The following CDK14 variants were observed in gnomAD, a reference collection of about 807,000 sequenced individuals.
CDK14 encodes the protein cyclin dependent kinase 14.
CDK14 carries 34 observed loss-of-function variants against 60.7 expected under a neutral mutation model. The observed-to-expected ratio is 0.56, with a 90% CI of 0.43 to 0.75. CDK14 has a LOEUF of 0.75. CDK14 is among the 30% of genes least tolerant of loss of function. The pLI, the probability that CDK14 is intolerant of heterozygous loss-of-function variation, is 0.00. For synonymous variants in CDK14, 197 were observed against 203.7 expected, an observed-to-expected ratio of 0.97 and a Z score of 0.28; for missense variants, 482 against 564.1, an observed-to-expected ratio of 0.85 and a Z score of 1.47.
At chr7:91,074,546 TAGAA>T (rs1316964264) in intron 11 of CDK14, among the ~76,000 whole-genome samples, 6 of 152,106 alleles carry the variant, frequency 3.9e-5, no homozygotes, top group Middle Eastern at 3.4e-3. Context: ...ATCAGAAAGT[TAGAA>T]AGAGCTCAAA....
At chr7:91,012,386 A>C (rs371155564) in intron 10 of CDK14, among the ~76,000 whole-genome samples, 15 of 152,294 alleles carry the variant, frequency 9.8e-5, no homozygotes, top group African/African-American at 3.6e-4. Flanking sequence ...TGAATCATCA[A>C]GGGGACTTTC....
intron 2 of CDK14, among the ~76,000 whole-genome samples, chr7:90,647,225 A>C (rs1274135410): frequency 6.6e-6 from 1 of 152,174 alleles, no homozygotes; most frequent in Non-Finnish European, 1.5e-5. Flanking sequence ...AGACTTGTAG[A>C]ACCGTCTTAG....
At chr7:91,041,191 T>A (rs77121877) in intron 10 of CDK14, among the ~76,000 whole-genome samples, 10 of 150,648 alleles carry the variant, frequency 6.6e-5, no homozygotes, top group African/African-American at 2.4e-4. Flanking sequence ...TTTTTTTTTT[T>A]AACAGATGTT....
chr7:90,596,822 T>A, intron 1 of CDK14, 104 bp downstream of exon 1: 1 of 944,902 alleles, frequency 1.1e-6, no homozygotes, highest in East Asian at 2.6e-5. Flanking sequence ...GGGGCTGGCG[T>A]GGGGTGCGTT....
At chr7:91,193,119 C>T (rs1221059277) in intron 14 of CDK14, among the ~76,000 whole-genome samples, 1 of 152,182 alleles carries the variant, frequency 6.6e-6, no homozygotes, top group African/African-American at 2.4e-5. Flanking sequence ...TTCCTTCAAG[C>T]ATTTAACTTT....
At position 90,694,582 on chromosome 7, in the gene CDK14, C is replaced by T. The variant is rs557216424; in HGVS notation, c.124-31985C>T. On this transcript the variant is annotated intron_variant, in intron 2 of 14. Transcript: ENST00000380050. Reference sequence around the variant, plus strand: ...TTTTGGTATCTTAATAATCAGATACCAGATTTTTACTAATTAAAATAACTA... The same window carrying T: ...TTTTGGTATCTTAATAATCAGATACTAGATTTTTACTAATTAAAATAACTA... Among the ~76,000 whole-genome samples the T allele has an allele frequency of 2.9e-4, 44 of 151,920 alleles. No homozygotes were observed. The South Asian group carries it at 4.8e-3, about 17-fold the overall frequency.
intron 14 of CDK14, among the ~76,000 whole-genome samples, chr7:91,147,920 A>G (rs1034936435): frequency 6.6e-6 from 1 of 152,236 alleles, no homozygotes. Flanking sequence ...GAATCAGTCA[A>G]GTAGTAAAAA....
At chr7:91,033,662 T>C (rs1325695280) in intron 10 of CDK14, among the ~76,000 whole-genome samples, 1 of 152,172 alleles carries the variant, frequency 6.6e-6, no homozygotes, top group Non-Finnish European at 1.5e-5. Flanking sequence ...TCCCTGTTTT[T>C]CCCTATTTTG....
At chr7:90,886,718 C>G (rs12537076) in intron 6 of CDK14, among the ~76,000 whole-genome samples, 14,337 of 152,104 alleles carry the variant, frequency 0.094, 810 homozygotes, top group East Asian at 0.18. Context: ...CTTGAAGTTT[C>G]AGGATTTTTA....
At chr7:90,601,018 T>G (rs1321363281) in intron 1 of CDK14, among the ~76,000 whole-genome samples, 1 of 152,204 alleles carries the variant, frequency 6.6e-6, no homozygotes, top group Admixed American at 6.5e-5. Context: ...AGTGACAGAT[T>G]CTACCATGAA....
intron 5 of CDK14, among the ~76,000 whole-genome samples, chr7:90,818,434 T>G (rs1160535710): frequency 6.6e-6 from 1 of 152,158 alleles, no homozygotes; most frequent in Non-Finnish European, 1.5e-5. Flanking sequence ...CCACACAAAT[T>G]TGTTTTCAAA....
chr7:91,144,559 T>C lies in CDK14; in HGVS notation c.*28+26351T>C, dbSNP rs1175663019. The stretch of plus-strand genomic sequence containing the variant: ...GATTCAGACAGCTTTCCCTTATTTA[T>C]GTTGACACAAGGGAGAAGCGACGCA... On this transcript the variant is annotated intron_variant, in intron 14 of 14. Coordinates refer to ENST00000380050, the MANE Select transcript of CDK14 (RefSeq NM_001287135.2). 2.0e-5 allele frequency among the ~76,000 whole-genome samples: 3 copies of C among 152,336 alleles called. No homozygotes were observed. The East Asian group carries it at 5.8e-4, about 29-fold the overall frequency.
chr7:91,116,518 A>G (rs1452048896), intron 13 of CDK14, among the ~76,000 whole-genome samples: 1 of 152,176 alleles, frequency 6.6e-6, no homozygotes, highest in Non-Finnish European at 1.5e-5. Flanking sequence ...ATTCCTGTAT[A>G]TGTTCTGTAT....
intron 12 of CDK14, among the ~76,000 whole-genome samples, chr7:91,111,079 A>C (rs994875242): frequency 2.6e-5 from 4 of 152,018 alleles, no homozygotes; most frequent in African/African-American, 9.7e-5. Context: ...CCATTGATCC[A>C]TTTTTTTCGT....
intron 14 of CDK14, among the ~76,000 whole-genome samples, chr7:91,132,000 T>TGTTG (rs3038327): frequency 0.016 from 2,390 of 150,748 alleles, 56 homozygotes; most frequent in African/African-American, 0.054. Flanking sequence ...GAAGTTTTTT[T>TGTTG]GTTGGTTGGT....
At chr7:90,665,276 A>T (rs10268342) in intron 2 of CDK14, among the ~76,000 whole-genome samples, 46,302 of 151,816 alleles carry the variant, frequency 0.3, 7,946 homozygotes, top group East Asian at 0.67. Context: ...AGAGTGAGAC[A>T]CTGTCTCATA....
Position 91,135,618 on chromosome 7 carries a change from G to T in CDK14, c.*28+17410G>T, listed in dbSNP as rs568342622. On this transcript the variant is annotated intron_variant, in intron 14 of 14. Coordinates refer to ENST00000380050, the MANE Select transcript of CDK14 (RefSeq NM_001287135.2). ...TATTGTCAGTCAGGCTTTGTTCAGG[G>T]TGAGGAGCAGAAGGAAATCAGCTGA... 3.0e-3 allele frequency among the ~76,000 whole-genome samples: 464 copies of T among 152,290 alleles called. 2 individuals carry two copies. The highest frequency in any genetic ancestry group is 0.011 in the African/African-American group (446 of 41,566).
intron 4 of CDK14, among the ~76,000 whole-genome samples, chr7:90,757,608 T>G (rs979627562): frequency 2.0e-5 from 3 of 151,922 alleles, no homozygotes; most frequent in Non-Finnish European, 4.4e-5. Context: ...TTTTTTTTTT[T>G]TTGTTTGAGA....
chr7:90,906,210 G>A (rs1792694564), intron 7 of CDK14, among the ~76,000 whole-genome samples: 1 of 151,992 alleles, frequency 6.6e-6, no homozygotes, highest in Non-Finnish European at 1.5e-5. Flanking sequence ...TGTTCATAAT[G>A]CTGTGCTAGA....
Sources: allele counts gnomAD v4.1 joint callset (sites outside exome capture counted in the v4.1 genomes callset), GRCh38; gene constraint gnomAD v4.1.1; transcripts MANE v1.5; gene names NCBI Gene and HGNC (gene_info 2026-07-23, HGNC 2026-07-21).